SPOCK1: variants seen among roughly 807,000 people sequenced by gnomAD.
SPOCK1 encodes testican-1.
SPOCK1 carries 23 observed loss-of-function variants against 55.3 expected under a neutral mutation model. The ratio of observed to expected loss-of-function variants is 0.42; its 90% CI spans 0.30 to 0.59. The LOEUF (loss-of-function observed/expected upper bound fraction) is 0.59. Ranked by LOEUF, SPOCK1 falls within the 20% of genes least tolerant of loss-of-function variation. The pLI is 0.22. For missense variants in SPOCK1, 499 were observed against 552.5 expected (o/e 0.90, Z 0.97); for synonymous variants, 226 against 221.0 (o/e 1.02, Z -0.20).
intron 3 of SPOCK1, among the ~76,000 whole-genome samples, chr5:137,151,319 A>G (rs1561628192): frequency 6.6e-6 from 1 of 152,150 alleles, no homozygotes; most frequent in Admixed American, 6.5e-5. Flanking sequence ...AAGGTAATCA[A>G]TGATCTATTA....
At chr5:137,140,783 G>A in intron 3 of SPOCK1, 89 bp from the exon 4 acceptor site, 2 of 801,176 alleles carry the variant, frequency 2.5e-6, no homozygotes, top group South Asian at 2.3e-5. Flanking sequence ...TGTTGAGACG[G>A]ACTCTCGCTG....
intron 3 of SPOCK1, among the ~76,000 whole-genome samples, chr5:137,212,659 T>C (rs1755638679): frequency 6.6e-6 from 1 of 152,216 alleles, no homozygotes; most frequent in African/African-American, 2.4e-5. Context: ...TTTTAGTCCA[T>C]GACTGACCTA....
At chr5:137,376,424 A>G (rs1751319400) in intron 2 of SPOCK1, among the ~76,000 whole-genome samples, 1 of 152,250 alleles carries the variant, frequency 6.6e-6, no homozygotes, top group Non-Finnish European at 1.5e-5. Flanking sequence ...AGTGGTTTTG[A>G]TGCAAGAGGC....
intron 4 of SPOCK1, among the ~76,000 whole-genome samples, chr5:137,137,807 G>A (rs554642424): frequency 2.4e-4 from 37 of 152,312 alleles, no homozygotes; most frequent in African/African-American, 8.9e-4. Flanking sequence ...TTACTTTTTA[G>A]TCAGTAACTT....
chr5:137,175,227 G>A (rs1754832612), intron 3 of SPOCK1, among the ~76,000 whole-genome samples: 1 of 152,178 alleles, frequency 6.6e-6, no homozygotes, highest in Non-Finnish European at 1.5e-5. Context: ...TGGAAAATGG[G>A]TAGTACAAGA....
At chr5:137,099,079 C>T (rs1046054304) in intron 5 of SPOCK1, among the ~76,000 whole-genome samples, 4 of 152,216 alleles carry the variant, frequency 2.6e-5, no homozygotes, top group Non-Finnish European at 4.4e-5. Flanking sequence ...ATTGAGTGTT[C>T]GGGGTGCCCA....
chr5:137,082,383 T>C (rs766463485), intron 5 of SPOCK1, among the ~76,000 whole-genome samples: 2 of 152,054 alleles, frequency 1.3e-5, no homozygotes, highest in Non-Finnish European at 2.9e-5. Flanking sequence ...CAACAAGCTA[T>C]TGGGATAAGA....
At chr5:137,443,917 TA>T (rs1053587283) in intron 2 of SPOCK1, among the ~76,000 whole-genome samples, 5 of 152,212 alleles carry the variant, frequency 3.3e-5, no homozygotes, top group Non-Finnish European at 7.3e-5. Flanking sequence ...TCCCATCATC[TA>T]AAAGTAGGAC....
At chr5:137,066,696 A>T (rs1752510143) in intron 6 of SPOCK1, among the ~76,000 whole-genome samples, 1 of 152,236 alleles carries the variant, frequency 6.6e-6, no homozygotes, top group Non-Finnish European at 1.5e-5. Flanking sequence ...TTAGCTTTTT[A>T]GAAATCAAGA....
At chr5:137,413,517 C>T (rs915402194) in intron 2 of SPOCK1, among the ~76,000 whole-genome samples, 1 of 149,458 alleles carries the variant, frequency 6.7e-6, no homozygotes, top group Non-Finnish European at 1.5e-5. Context: ...GTAGTTTCCC[C>T]CTGATCTTGT....
intron 2 of SPOCK1, among the ~76,000 whole-genome samples, chr5:137,458,076 G>A (rs1054033429): frequency 7.9e-5 from 12 of 152,184 alleles, no homozygotes; most frequent in Non-Finnish European, 1.0e-4. Context: ...GTAAGCTCTC[G>A]TTCTAGGTTA....
At chr5:137,126,799 TAAGA>T (rs10549018) in intron 4 of SPOCK1, among the ~76,000 whole-genome samples, 136,149 of 151,866 alleles carry the variant, frequency 0.9, 61,099 homozygotes, top group African/African-American at 0.93. Flanking sequence ...TAGAAAGTTG[TAAGA>T]AAGAAACTTG....
chr5:137,067,937 C>G (rs1752542019), intron 5 of SPOCK1, 108 bp from the exon 6 acceptor site: 4 of 856,406 alleles, frequency 4.7e-6, no homozygotes, highest in Non-Finnish European at 7.6e-6. Flanking sequence ...AAAGACAAAG[C>G]AGGGAGAGGT....
intron 6 of SPOCK1, among the ~76,000 whole-genome samples, chr5:137,013,930 G>A (rs1026744865): frequency 3.9e-5 from 6 of 152,074 alleles, no homozygotes; most frequent in East Asian, 1.9e-4. Flanking sequence ...CAGTGGGGGC[G>A]CATCGGGGTA....
At chr5:137,298,803 T>C (rs1451969371) in intron 2 of SPOCK1, among the ~76,000 whole-genome samples, 2 of 152,160 alleles carry the variant, frequency 1.3e-5, no homozygotes, top group Non-Finnish European at 2.9e-5. Context: ...ATTACTATTG[T>C]CACTCAAGTT....
At chr5:137,423,770 G>A (rs372131368) in intron 2 of SPOCK1, among the ~76,000 whole-genome samples, 143 of 152,244 alleles carry the variant, frequency 9.4e-4, no homozygotes, top group Middle Eastern at 3.4e-3. Context: ...GCTCATGCTC[G>A]GTGTGCTGCA....
chr5:137,088,834 G>C (rs552897026), intron 5 of SPOCK1, among the ~76,000 whole-genome samples: 1 of 152,272 alleles, frequency 6.6e-6, no homozygotes, highest in Non-Finnish European at 1.5e-5. Flanking sequence ...GAATCTTCCA[G>C]GTGGATGTGC....
intron 2 of SPOCK1, among the ~76,000 whole-genome samples, chr5:137,319,304 C>T (rs973134550): frequency 6.6e-6 from 1 of 152,176 alleles, no homozygotes; most frequent in Non-Finnish European, 1.5e-5. Context: ...TTTCCTTTGG[C>T]CTTTAATTGA....
chr5:137,286,563 C>T (rs376214497), intron 2 of SPOCK1, among the ~76,000 whole-genome samples: 2 of 152,198 alleles, frequency 1.3e-5, no homozygotes, highest in African/African-American at 4.8e-5. Flanking sequence ...ATGGTGGCTG[C>T]AGCAGCCCTG....
Sources: gnomAD v4.1 joint callset for allele counts (sites outside exome capture counted in the v4.1 genomes callset) on GRCh38, gnomAD v4.1.1 for gene constraint, MANE v1.5 for transcripts, NCBI Gene and HGNC (gene_info 2026-07-23, HGNC 2026-07-21) for gene names.